CFAP52: variants seen among roughly 807,000 people sequenced by gnomAD.
CFAP52 encodes the protein cilia and flagella associated protein 52, also known as cilia- and flagella-associated protein 52.
Under a neutral mutation model 70.5 loss-of-function variants are expected in CFAP52, and 57 were observed. That is an observed-to-expected ratio of 0.81 (90% CI 0.65 to 1.01). CFAP52 has a LOEUF of 1.01. CFAP52 is among the 50% of genes least tolerant of loss of function. CFAP52 has a pLI of 0.00. For synonymous variants in CFAP52, 267 were observed against 292.5 expected (o/e 0.91, Z 0.89); for missense variants, 785 against 788.5 (o/e 1.00, Z 0.05).
chr17:9,634,292 A>T (rs1437530859), intron 10 of CFAP52, among the ~76,000 whole-genome samples: 2 of 152,192 alleles, frequency 1.3e-5, no homozygotes, highest in Non-Finnish European at 2.9e-5. Context: ...CACTATAAGA[A>T]GGCGTAAGCA....
Position 9,638,869 on chromosome 17 carries a change from C to A in CFAP52, c.1575+158C>A, listed in dbSNP as rs1235681096. The stretch of plus-strand genomic sequence containing the variant: ...CACTTTGGAAAGGCCATATCACCTT[C>A]CAGTGTCTTCACTTCCCCACCTGTT... On this transcript the variant is annotated intron_variant, in intron 12 of 13. Transcript: ENST00000352665. 34 of 647,696 alleles carry A rather than the reference C, an allele frequency of 5.2e-5. No homozygotes were observed. The East Asian group carries it at 9.0e-4, about 17-fold the overall frequency. 40.1% of individuals were successfully genotyped at this position (647,696 alleles called of 1,614,324 possible).
chr17:9,631,016 AAGAAAGAAAGAAAGAGAGAG>A (rs1857426416), intron 9 of CFAP52, among the ~76,000 whole-genome samples: 3 of 51,166 alleles, frequency 5.9e-5, no homozygotes, highest in South Asian at 1.0e-3. Context: ...GAAAGAAAGA[AAGAAAGAAAGAAAGAGAGAG>A]AGAGAGAGAG....
rs1910801556 is a variant in CFAP52 at position 9,636,295 on chromosome 17, A to G, written c.1472+739A>G. On this transcript the variant is annotated intron_variant, in intron 11 of 13. Coordinates refer to ENST00000352665, the MANE Select transcript of CFAP52 (RefSeq NM_145054.5). Reference sequence around the variant, plus strand: ...TGCAGGCAGTGCCTCTTATCATTCCAGTTAGTCAGGTGAAGCCCAGAATGA... The same window carrying G: ...TGCAGGCAGTGCCTCTTATCATTCCGGTTAGTCAGGTGAAGCCCAGAATGA... Among the ~76,000 whole-genome samples, 3 of 152,224 alleles carry G rather than the reference A, an allele frequency of 2.0e-5. No individual in the cohort carries two copies. The South Asian group carries it at 6.2e-4, about 32-fold the overall frequency.
intron 3 of CFAP52, among the ~76,000 whole-genome samples, 192 bp from the exon 4 acceptor site, chr17:9,594,001 T>A (rs1217934959): frequency 6.6e-6 from 1 of 152,070 alleles, no homozygotes; most frequent in Non-Finnish European, 1.5e-5. Context: ...AAAAAACTTT[T>A]AATGTGTCAC....
In CFAP52 at chr17:9,604,303, TC is replaced by T. The variant is rs1390044498; in HGVS notation, c.754-3814del. 2.0e-5 allele frequency among the ~76,000 whole-genome samples: 3 copies of T among 152,006 alleles called. No individual in the cohort carries two copies. The East Asian group carries it at 5.8e-4, about 29-fold the overall frequency. On this transcript the variant is annotated intron_variant, in intron 6 of 13. Transcript: ENST00000352665. ...ACTTCCTTAAAATCAAAAATTCTGC[TC>T]CATGAAAGACACTGTCAAGAGAATG...
intron 1 of CFAP52, among the ~76,000 whole-genome samples, chr17:9,581,865 T>C (rs1476951659): frequency 6.6e-6 from 1 of 152,180 alleles, no homozygotes; most frequent in African/African-American, 2.4e-5. Context: ...TCCACTCTTA[T>C]AGGAGTGATG....
chr17:9,628,090 C>G (rs1258247623), intron 8 of CFAP52, among the ~76,000 whole-genome samples: 1 of 152,032 alleles, frequency 6.6e-6, no homozygotes, highest in East Asian at 1.9e-4. Context: ...TCTACCAAGA[C>G]TTTGTGAGAA....
At chr17:9,622,121 A>G (rs1404546311) in intron 8 of CFAP52, among the ~76,000 whole-genome samples, 1 of 152,156 alleles carries the variant, frequency 6.6e-6, no homozygotes, top group East Asian at 1.9e-4. Flanking sequence ...CCTTTCCTCC[A>G]CCATGTCCTG....
rs984417413 is a variant in CFAP52 at position 9,608,111 on chromosome 17, C to A, written c.754-8C>A. 1.1e-5 allele frequency: 17 copies of A among 1,603,490 alleles called. No homozygotes were observed. The highest frequency in any genetic ancestry group is 1.4e-5 in the Non-Finnish European group (16 of 1,174,040). On this transcript the variant is annotated splice_polypyrimidine_tract_variant and splice_region_variant and intron_variant, in intron 6 of 13. Transcript: ENST00000352665. ...TGTGCTTTTTCTTAACACAGTTTTT[C>A]CCCCTAGGGAGTGTCAGCTATCAGG...
chr17:9,624,107 T>C (rs114828427), intron 8 of CFAP52, among the ~76,000 whole-genome samples: 4,963 of 152,256 alleles, frequency 0.033, 265 homozygotes, highest in African/African-American at 0.11. Flanking sequence ...TATTTCAATA[T>C]TTTTTCTTTG....
chr17:9,595,232 A>G (rs921679805), intron 4 of CFAP52, among the ~76,000 whole-genome samples: 2 of 152,142 alleles, frequency 1.3e-5, no homozygotes, highest in Non-Finnish European at 2.9e-5. Flanking sequence ...TACAGAGTTG[A>G]AGTATGTGTT....
intron 7 of CFAP52, chr17:9,610,144 A>C (rs1454176817): frequency 6.6e-6 from 1 of 152,184 alleles, no homozygotes; most frequent in Admixed American, 6.5e-5. Flanking sequence ...CAATCAGGAG[A>C]GGAAAGAAAT....
rs1018052334 is a variant in CFAP52, at chr17:9,623,111, C to A, written c.1026-5561C>A. On this transcript the variant is annotated intron_variant, in intron 8 of 13. Coordinates refer to ENST00000352665, the MANE Select transcript of CFAP52 (RefSeq NM_145054.5). Reference sequence around the variant, plus strand: ...TTCTCACAGTTTTTGTTTTGCATATCTTAAAGCTCTGTTATTAGGTGCTGT... The same window carrying A: ...TTCTCACAGTTTTTGTTTTGCATATATTAAAGCTCTGTTATTAGGTGCTGT... 4.6e-5 allele frequency among the ~76,000 whole-genome samples: 7 copies of A among 152,180 alleles called. No homozygotes were observed. In the East Asian group the frequency reaches 9.6e-4, roughly 21 times the overall value.
intron 11 of CFAP52, 142 bp downstream of exon 11, chr17:9,635,698 C>G: frequency 3.7e-6 from 4 of 1,089,992 alleles, no homozygotes; most frequent in Non-Finnish European, 5.3e-6. Context: ...CATCAGAAGC[C>G]GTTCATGACG....
intron 6 of CFAP52, among the ~76,000 whole-genome samples, chr17:9,605,632 G>C (rs931392737): frequency 6.8e-6 from 1 of 147,384 alleles, no homozygotes; most frequent in African/African-American, 2.5e-5. Context: ...GGAGGTGGAG[G>C]TTGCATTGAG....
At chr17:9,595,391 A>G (rs1597772654) in intron 4 of CFAP52, among the ~76,000 whole-genome samples, 1 of 152,242 alleles carries the variant, frequency 6.6e-6, no homozygotes, top group East Asian at 1.9e-4. Flanking sequence ...TCCATGGCTA[A>G]TTATGAGGAA....
intron 10 of CFAP52, among the ~76,000 whole-genome samples, chr17:9,633,981 C>T (rs1910667703): frequency 6.6e-6 from 1 of 152,040 alleles, no homozygotes; most frequent in African/African-American, 2.4e-5. Flanking sequence ...GCGCCTGGCC[C>T]ATCTTATCTT....
At chr17:9,596,073 A>G (rs867539569) in intron 4 of CFAP52, among the ~76,000 whole-genome samples, 1,380 of 132,578 alleles carry the variant, frequency 0.01, 59 homozygotes, top group African/African-American at 0.035. Flanking sequence ...ATATATATAT[A>G]TATATATATA....
In CFAP52 at chr17:9,631,563, C is replaced by T. The variant is rs561247141; in HGVS notation, c.1175-1325C>T. Among the ~76,000 whole-genome samples, 11 of 152,078 alleles carry T rather than the reference C, an allele frequency of 7.2e-5. No individual in the cohort carries two copies. In the South Asian group the frequency reaches 2.3e-3, roughly 32 times the overall value. ...GTGCAAAGGCCCTCAGGAGGGAGATCGCTTGGTGGATTTGAGGAATAGCAA... is the reference window on the plus strand; with the variant it reads ...GTGCAAAGGCCCTCAGGAGGGAGATTGCTTGGTGGATTTGAGGAATAGCAA... On this transcript the variant is annotated intron_variant, in intron 9 of 13. Transcript: ENST00000352665.
Sources: gnomAD v4.1 joint callset for allele counts (sites outside exome capture counted in the v4.1 genomes callset) on GRCh38, gnomAD v4.1.1 for gene constraint, MANE v1.5 for transcripts, NCBI Gene and HGNC (gene_info 2026-07-23, HGNC 2026-07-21) for gene names.